RNGTT: variants seen among roughly 807,000 people sequenced by gnomAD.
The protein encoded by RNGTT is RNA guanylyltransferase and 5'-phosphatase.
Under a neutral mutation model 79.3 loss-of-function variants are expected in RNGTT, and 33 were observed. The observed-to-expected ratio is 0.42, with a 90% CI of 0.32 to 0.56. The LOEUF is 0.56. Ranked by LOEUF, RNGTT falls within the 20% of genes least tolerant of loss-of-function variation. The pLI, the probability that RNGTT is intolerant of heterozygous loss-of-function variation, is 0.17. For synonymous variants in RNGTT, 222 were observed against 235.9 expected (o/e 0.94, Z 0.54); for missense variants, 497 against 739.1 (o/e 0.67, Z 3.80).
intron 8 of RNGTT, among the ~76,000 whole-genome samples, chr6:88,860,484 GTTGCAGAATTA>G (rs1179626009): frequency 6.6e-6 from 1 of 152,154 alleles, no homozygotes; most frequent in Non-Finnish European, 1.5e-5. Context: ...CACAAGAATA[GTTGCAGAATTA>G]TTTATAGCAA....
chr6:88,651,058 G>C (rs1278188664), intron 14 of RNGTT, among the ~76,000 whole-genome samples: 1 of 152,018 alleles, frequency 6.6e-6, no homozygotes, highest in East Asian at 1.9e-4. Flanking sequence ...ATGAGCAGCA[G>C]AGGTGAGATT....
intron 14 of RNGTT, among the ~76,000 whole-genome samples, chr6:88,616,984 T>C (rs1041367362): frequency 6.6e-6 from 1 of 152,218 alleles, no homozygotes; most frequent in African/African-American, 2.4e-5. Context: ...TCCTAAAGAT[T>C]TGTCCTGGCC....
At chr6:88,613,295 C>T (rs945813337) in intron 15 of RNGTT, among the ~76,000 whole-genome samples, 1 of 152,202 alleles carries the variant, frequency 6.6e-6, no homozygotes, top group Admixed American at 6.5e-5. Flanking sequence ...AAACATAAAA[C>T]ATGGCACCAG....
At chr6:88,639,343 G>C (rs1773222030) in intron 14 of RNGTT, among the ~76,000 whole-genome samples, 1 of 152,064 alleles carries the variant, frequency 6.6e-6, no homozygotes, top group African/African-American at 2.4e-5. Flanking sequence ...TCAGCATACA[G>C]AGCACCTACT....
chr6:88,644,874 T>C (rs1164508694), intron 14 of RNGTT, among the ~76,000 whole-genome samples: 1 of 152,210 alleles, frequency 6.6e-6, no homozygotes, highest in African/African-American at 2.4e-5. Context: ...GAGCTATTTA[T>C]GACAAAGCCA....
In RNGTT at chr6:88,904,995, CTATT is replaced by C. The variant is rs1046325614; in HGVS notation, c.444-44_444-41del. On this transcript the variant is annotated intron_variant, in intron 5 of 15. Coordinates refer to ENST00000369485, the MANE Select transcript of RNGTT (RefSeq NM_003800.5). ...CACCATGCAATTTCCTCGCTATCCT[CTATT>C]TATGCAGGCTTATCAAAAACTCACT... is the stretch of plus-strand genomic sequence containing the variant. 3.1e-6 allele frequency: 5 copies of C among 1,598,828 alleles called. No individual in the cohort carries two copies. In the East Asian group the frequency reaches 8.9e-5, roughly 29 times the overall value.
At chr6:88,904,005 G>A (rs909279175) in intron 6 of RNGTT, among the ~76,000 whole-genome samples, 1 of 152,112 alleles carries the variant, frequency 6.6e-6, no homozygotes, top group Non-Finnish European at 1.5e-5. Context: ...TAATTTTATG[G>A]AAACCATGAA....
At chr6:88,729,741 C>T (rs781076395) in intron 13 of RNGTT, among the ~76,000 whole-genome samples, 1 of 152,030 alleles carries the variant, frequency 6.6e-6, no homozygotes, top group Non-Finnish European at 1.5e-5. Context: ...GATTAAAACT[C>T]AATGTTATAC....
chr6:88,913,682 C>T (rs930327882), intron 4 of RNGTT, among the ~76,000 whole-genome samples: 1 of 152,124 alleles, frequency 6.6e-6, no homozygotes, highest in African/African-American at 2.4e-5. Flanking sequence ...TAATCCTAAA[C>T]AAACTACGCA....
At chr6:88,900,055 A>G (rs186096939) in intron 6 of RNGTT, among the ~76,000 whole-genome samples, 46 of 152,274 alleles carry the variant, frequency 3.0e-4, no homozygotes, top group South Asian at 1.0e-3. Flanking sequence ...AAGAAAGATA[A>G]CATGACCAGA....
At chr6:88,633,379 T>G (rs1396776316) in intron 14 of RNGTT, among the ~76,000 whole-genome samples, 1 of 152,182 alleles carries the variant, frequency 6.6e-6, no homozygotes, top group East Asian at 1.9e-4. Flanking sequence ...AGGACTCTGT[T>G]CTTACTCTTC....
chr6:88,885,262 G>A (rs950093242), intron 8 of RNGTT, among the ~76,000 whole-genome samples: 3 of 152,132 alleles, frequency 2.0e-5, no homozygotes, highest in South Asian at 2.1e-4. Flanking sequence ...GTTGATTCCA[G>A]GGCTGGGGTA....
chr6:88,912,097 AAAG>A (rs926424723), intron 4 of RNGTT, among the ~76,000 whole-genome samples: 17 of 152,020 alleles, frequency 1.1e-4, no homozygotes, highest in Admixed American at 4.6e-4. Context: ...AATAAAATAA[AAAG>A]AAGAAGAAGA....
At chr6:88,958,714 T>C (rs556966271) in intron 1 of RNGTT, among the ~76,000 whole-genome samples, 124 of 152,286 alleles carry the variant, frequency 8.1e-4, no homozygotes, top group African/African-American at 2.8e-3. Context: ...AAATATTAGA[T>C]GTTGGCATGA....
intron 12 of RNGTT, among the ~76,000 whole-genome samples, chr6:88,791,594 C>T (rs903372616): frequency 1.3e-5 from 2 of 152,080 alleles, no homozygotes; most frequent in Admixed American, 6.5e-5. Context: ...GGCTGGAGTG[C>T]AGTGGCACAA....
chr6:88,959,409 A>G (rs557223873), intron 1 of RNGTT, among the ~76,000 whole-genome samples: 1 of 152,338 alleles, frequency 6.6e-6, no homozygotes, highest in South Asian at 2.1e-4. Flanking sequence ...TTGAGCAATC[A>G]GGATCTTAAT....
At chr6:88,735,719 G>T (rs1258094494) in intron 13 of RNGTT, among the ~76,000 whole-genome samples, 2 of 151,904 alleles carry the variant, frequency 1.3e-5, no homozygotes, top group African/African-American at 4.8e-5. Context: ...AGCATTGAAG[G>T]CATTTATTTG....
intron 14 of RNGTT, among the ~76,000 whole-genome samples, chr6:88,659,994 A>G (rs1774121116): frequency 6.6e-6 from 1 of 152,214 alleles, no homozygotes; most frequent in African/African-American, 2.4e-5. Flanking sequence ...TTGGGGTCCT[A>G]TCTTTACTCT....
intron 11 of RNGTT, among the ~76,000 whole-genome samples, chr6:88,831,206 C>A (rs1220921384): frequency 6.6e-6 from 1 of 152,134 alleles, no homozygotes; most frequent in Non-Finnish European, 1.5e-5. Flanking sequence ...TACTGGCAAA[C>A]CAAATCCAGC....
Sources: gnomAD v4.1 joint callset for allele counts (sites outside exome capture counted in the v4.1 genomes callset) on GRCh38, gnomAD v4.1.1 for gene constraint, MANE v1.5 for transcripts, NCBI Gene and HGNC (gene_info 2026-07-23, HGNC 2026-07-21) for gene names.